Variants in TTC29 observed in about 807,000 individuals in gnomAD.
TTC29 encodes the protein tetratricopeptide repeat domain 29, also known as tetratricopeptide repeat protein 29.
In TTC29, 49 loss-of-function variants were observed where a neutral mutation model predicts 58.1. The ratio of observed to expected loss-of-function variants is 0.84; its 90% CI spans 0.67 to 1.07. TTC29 has a LOEUF of 1.07. Among genes scored for constraint, TTC29 ranks in the 50% least tolerant of loss-of-function variants. TTC29 has a pLI of 0.00. For missense variants in TTC29, 582 were observed against 555.6 expected, an observed-to-expected ratio of 1.05 and a Z score of -0.48; for synonymous variants, 209 against 196.8, an observed-to-expected ratio of 1.06 and a Z score of -0.52.
At chr4:146,870,397 T>C (rs1730854483) in intron 7 of TTC29, among the ~76,000 whole-genome samples, 1 of 151,890 alleles carries the variant, frequency 6.6e-6, no homozygotes, top group Non-Finnish European at 1.5e-5. Flanking sequence ...TGTCTATATT[T>C]TAAAATAAGA....
chr4:146,747,738 C>T (rs1380726352), intron 11 of TTC29, among the ~76,000 whole-genome samples: 2 of 152,206 alleles, frequency 1.3e-5, no homozygotes, highest in Admixed American at 1.3e-4. Flanking sequence ...CCCTAGGGAT[C>T]CAGAGGCTCC....
At chr4:146,896,813 T>C (rs1254655432) in intron 6 of TTC29, among the ~76,000 whole-genome samples, 1 of 152,138 alleles carries the variant, frequency 6.6e-6, no homozygotes, top group Non-Finnish European at 1.5e-5. Context: ...GTACCTTAAT[T>C]CTCCCAGGAC....
In TTC29 at chr4:146,828,796, T is replaced by C. The variant is rs1479600626; in HGVS notation, c.977+5010A>G. On this transcript the variant is annotated intron_variant, in intron 9 of 12. Transcript: ENST00000325106. ...TAACAAATAATGCTAGAGAAAAAAG[T>C]CTTATTATTGTAAGTCATTTGCTTT... Among the ~76,000 whole-genome samples, 12 of 152,274 alleles carry C rather than the reference T, an allele frequency of 7.9e-5. No individual in the cohort carries two copies. In the South Asian group the frequency reaches 1.2e-3, roughly 16 times the overall value.
At chr4:146,849,955 C>T (rs1729414685) in intron 8 of TTC29, among the ~76,000 whole-genome samples, 1 of 152,222 alleles carries the variant, frequency 6.6e-6, no homozygotes, top group Non-Finnish European at 1.5e-5. Flanking sequence ...CTCCACCCTA[C>T]CTCTTGCCTT....
intron 11 of TTC29, among the ~76,000 whole-genome samples, chr4:146,711,329 A>G (rs1742476084): frequency 1.3e-5 from 2 of 152,170 alleles, no homozygotes; most frequent in African/African-American, 4.8e-5. Context: ...GAATTTCTTC[A>G]TATGGTTTTT....
intron 6 of TTC29, among the ~76,000 whole-genome samples, chr4:146,891,020 C>T (rs950535331): frequency 5.3e-5 from 8 of 151,846 alleles, no homozygotes; most frequent in Middle Eastern, 3.4e-3. Context: ...TAGAGGGATA[C>T]GGAAGGGAAA....
chr4:146,846,393 A>T (rs1729172645), intron 8 of TTC29, among the ~76,000 whole-genome samples: 1 of 152,208 alleles, frequency 6.6e-6, no homozygotes, highest in South Asian at 2.1e-4. Context: ...ACGTTACAAT[A>T]GTCCTGGTAT....
At chr4:146,756,943 A>AT (rs1335564506) in intron 11 of TTC29, among the ~76,000 whole-genome samples, 1 of 151,784 alleles carries the variant, frequency 6.6e-6, no homozygotes, top group Non-Finnish European at 1.5e-5. Flanking sequence ...TTCTTGTATT[A>AT]TTTTTTGGAT....
chr4:146,910,586 A>G (rs545992146), intron 4 of TTC29, among the ~76,000 whole-genome samples: 1 of 152,186 alleles, frequency 6.6e-6, no homozygotes, highest in South Asian at 2.1e-4. Flanking sequence ...TAAAAACAAC[A>G]GTGAGAAGTT....
intron 4 of TTC29, among the ~76,000 whole-genome samples, chr4:146,933,594 G>A (rs1735516259): frequency 6.6e-6 from 1 of 152,208 alleles, no homozygotes; most frequent in Non-Finnish European, 1.5e-5. Flanking sequence ...GATAGTAGCA[G>A]TGAACCATTT....
intron 11 of TTC29, among the ~76,000 whole-genome samples, chr4:146,775,364 G>GT (rs568490274): frequency 2.4e-4 from 36 of 152,212 alleles, no homozygotes; most frequent in Admixed American, 1.0e-3. Context: ...TATTAAGTGT[G>GT]TTTTTGTGGT....
intron 11 of TTC29, among the ~76,000 whole-genome samples, chr4:146,713,643 G>C (rs1431874740): frequency 3.3e-5 from 5 of 151,942 alleles, no homozygotes; most frequent in East Asian, 1.9e-4. Flanking sequence ...CATATTACAG[G>C]ATCTGGTATA....
chr4:146,732,002 T>C (rs971722544), intron 11 of TTC29, among the ~76,000 whole-genome samples: 7 of 152,184 alleles, frequency 4.6e-5, no homozygotes, highest in Non-Finnish European at 1.0e-4. Context: ...GTAGTATACT[T>C]CATATGACTC....
intron 6 of TTC29, 67 bp from the exon 7 acceptor site, chr4:146,874,995 A>G: frequency 8.1e-7 from 1 of 1,240,424 alleles, no homozygotes; most frequent in Admixed American, 1.9e-5. Flanking sequence ...AATTTTGCAT[A>G]CGTTTTAGCT....
At chr4:146,904,177 A>G (rs1251150915) in intron 5 of TTC29, among the ~76,000 whole-genome samples, 2 of 152,184 alleles carry the variant, frequency 1.3e-5, no homozygotes, top group East Asian at 3.9e-4. Context: ...AGAGAGCAAA[A>G]TGGATATGAA....
At chr4:146,919,858 C>T (rs1020662451) in intron 4 of TTC29, among the ~76,000 whole-genome samples, 1 of 151,046 alleles carries the variant, frequency 6.6e-6, no homozygotes, top group South Asian at 2.1e-4. Flanking sequence ...ATATAAAGAA[C>T]AAACTTAGTA....
intron 11 of TTC29, among the ~76,000 whole-genome samples, chr4:146,796,416 A>G (rs1229392552): frequency 1.3e-5 from 2 of 152,184 alleles, no homozygotes; most frequent in East Asian, 1.9e-4. Context: ...CAATTTTCAA[A>G]TGAGAAACTT....
rs555470360 is a variant in TTC29 at position 146,768,304 on chromosome 4, C to T, written c.1330+35153G>A. Among the ~76,000 whole-genome samples, 3 of 151,948 alleles carry T rather than the reference C, an allele frequency of 2.0e-5. No homozygotes were observed. In the South Asian group the frequency reaches 6.2e-4, roughly 32 times the overall value. The stretch of plus-strand genomic sequence containing the variant: ...ATAGAGCAGTCGATGAGGAAGGGGA[C>T]CCTGCTTAGCTATCCCCATCAGCTA... On this transcript the variant is annotated intron_variant, in intron 11 of 12. Transcript: ENST00000325106.
At chr4:146,711,196 A>G (rs1489319284) in intron 11 of TTC29, among the ~76,000 whole-genome samples, 1 of 152,118 alleles carries the variant, frequency 6.6e-6, no homozygotes, top group African/African-American at 2.4e-5. Flanking sequence ...CAACAAACCA[A>G]AAGTATTGTT....
Sources: gnomAD v4.1 joint callset for allele counts (sites outside exome capture counted in the v4.1 genomes callset) on GRCh38, gnomAD v4.1.1 for gene constraint, MANE v1.5 for transcripts, NCBI Gene and HGNC (gene_info 2026-07-23, HGNC 2026-07-21) for gene names.